CDH18: variants seen among roughly 807,000 people sequenced by gnomAD.
CDH18 encodes cadherin-18.
A neutral mutation model predicts 67.9 loss-of-function variants in CDH18; 31 were observed. The observed-to-expected ratio is 0.46, with a 90% confidence interval of 0.34 to 0.62. CDH18 has a LOEUF of 0.62. CDH18 is among the 20% of genes least tolerant of loss of function. The pLI, the probability that CDH18 is intolerant of heterozygous loss-of-function variation, is 0.01. For missense variants in CDH18, 890 were observed against 975.5 expected, an observed-to-expected ratio of 0.91 and a Z score of 1.17; for synonymous variants, 362 against 347.2, an observed-to-expected ratio of 1.04 and a Z score of -0.48.
intron 3 of CDH18, among the ~76,000 whole-genome samples, chr5:19,778,099 C>G (rs1774607573): frequency 6.6e-6 from 1 of 152,068 alleles, no homozygotes; most frequent in Non-Finnish European, 1.5e-5. Context: ...TTTAAACTTT[C>G]CCCCACAAAA....
chr5:19,566,853 A>G (rs1467709488), intron 8 of CDH18, among the ~76,000 whole-genome samples: 1 of 152,194 alleles, frequency 6.6e-6, no homozygotes, highest in Non-Finnish European at 1.5e-5. Flanking sequence ...CAATAGATGA[A>G]TGGATAAAGA....
chr5:20,475,437 T>C (rs910163809), intron 1 of CDH18, among the ~76,000 whole-genome samples: 3 of 152,164 alleles, frequency 2.0e-5, no homozygotes, highest in African/African-American at 4.8e-5. Flanking sequence ...AAGCCATTGA[T>C]AGGCATTAAG....
intron 2 of CDH18, among the ~76,000 whole-genome samples, chr5:19,911,247 T>C (rs1791110676): frequency 2.6e-5 from 4 of 152,158 alleles, no homozygotes; most frequent in Admixed American, 2.0e-4. Context: ...CATGCTGATC[T>C]GATTCTCATT....
intron 1 of CDH18, among the ~76,000 whole-genome samples, chr5:20,283,194 T>C (rs1414239393): frequency 6.6e-6 from 1 of 152,048 alleles, no homozygotes; most frequent in African/African-American, 2.4e-5. Context: ...GACATGGGAC[T>C]GGGTAGATTT....
At chr5:20,568,582 G>A (rs114369168) in intron 1 of CDH18, among the ~76,000 whole-genome samples, 2 of 151,676 alleles carry the variant, frequency 1.3e-5, no homozygotes, top group African/African-American at 2.4e-5. Flanking sequence ...ATTATTAAAT[G>A]AATGTCAAGA....
At chr5:19,743,627 A>G (rs1199423337) in intron 4 of CDH18, among the ~76,000 whole-genome samples, 6 of 152,140 alleles carry the variant, frequency 3.9e-5, no homozygotes, top group African/African-American at 1.4e-4. Context: ...TTTTGTTTCT[A>G]AAATCAGAGT....
intron 5 of CDH18, among the ~76,000 whole-genome samples, chr5:19,630,615 A>C (rs920999859): frequency 1.3e-5 from 2 of 152,148 alleles, no homozygotes; most frequent in Non-Finnish European, 2.9e-5. Context: ...CTCACTAGTC[A>C]TTCAATATTT....
intron 1 of CDH18, among the ~76,000 whole-genome samples, chr5:20,436,626 G>T (rs889641439): frequency 6.6e-6 from 1 of 150,968 alleles, no homozygotes; most frequent in African/African-American, 2.4e-5. Context: ...ATGTATATAT[G>T]TGTATATATA....
chr5:20,474,566 T>C (rs1171390198), intron 1 of CDH18, among the ~76,000 whole-genome samples: 1 of 146,492 alleles, frequency 6.8e-6, no homozygotes, highest in African/African-American at 2.5e-5. Context: ...AGAAAAATCA[T>C]AGGGTTGGAA....
chr5:20,331,429 A>G (rs960974357), intron 1 of CDH18: 1 of 152,106 alleles, frequency 6.6e-6, no homozygotes. Flanking sequence ...ACTTCTCACC[A>G]TGATTCTGAC....
intron 2 of CDH18, among the ~76,000 whole-genome samples, chr5:20,061,852 T>TA (rs1742514512): frequency 6.6e-6 from 1 of 152,156 alleles, no homozygotes; most frequent in Non-Finnish European, 1.5e-5. Flanking sequence ...TTTAGTTTAA[T>TA]ATGAACTCCA....
chr5:19,944,251 A>G (rs572755909), intron 2 of CDH18, among the ~76,000 whole-genome samples: 1 of 152,232 alleles, frequency 6.6e-6, no homozygotes, highest in Non-Finnish European at 1.5e-5. Context: ...ACTGTCTTAT[A>G]TAATTTAATA....
At chr5:20,154,426 T>C (rs1379098729) in intron 2 of CDH18, among the ~76,000 whole-genome samples, 1 of 152,174 alleles carries the variant, frequency 6.6e-6, no homozygotes, top group Non-Finnish European at 1.5e-5. Context: ...CTTTTTCTTC[T>C]TATTCATGAG....
chr5:20,198,681 G>T (rs902535829), intron 2 of CDH18, among the ~76,000 whole-genome samples: 1 of 152,106 alleles, frequency 6.6e-6, no homozygotes, highest in African/African-American at 2.4e-5. Flanking sequence ...AAGACTATGG[G>T]AAAAATGTCT....
At chr5:19,696,288 C>G (rs1401197222) in intron 5 of CDH18, among the ~76,000 whole-genome samples, 4 of 151,240 alleles carry the variant, frequency 2.6e-5, no homozygotes, top group Non-Finnish European at 1.5e-5. Flanking sequence ...GAGTCTTGCT[C>G]TGCTGCCCAG....
chr5:20,435,547 T>C (rs966380729), intron 1 of CDH18, among the ~76,000 whole-genome samples: 3 of 151,910 alleles, frequency 2.0e-5, no homozygotes, highest in Non-Finnish European at 4.4e-5. Context: ...ACATCTGATA[T>C]TGTTACAAAT....
chr5:20,398,931 G>A (rs1161328816), intron 1 of CDH18, among the ~76,000 whole-genome samples: 3 of 82,644 alleles, frequency 3.6e-5, no homozygotes, highest in East Asian at 6.7e-4. Context: ...CACGGCACAC[G>A]TATACCTACA....
At chr5:19,758,810 CCT>C (rs1348062789) in intron 3 of CDH18, among the ~76,000 whole-genome samples, 4 of 152,228 alleles carry the variant, frequency 2.6e-5, no homozygotes, top group Non-Finnish European at 5.9e-5. Context: ...TATTCCCCAT[CCT>C]CTGGCACGCA....
intron 11 of CDH18, among the ~76,000 whole-genome samples, chr5:19,484,105 G>A (rs1314886122): frequency 1.3e-5 from 2 of 152,224 alleles, no homozygotes; most frequent in South Asian, 2.1e-4. Flanking sequence ...GTTTGACCAT[G>A]GGGAAGTTAA....
Sources: allele counts gnomAD v4.1 joint callset (sites outside exome capture counted in the v4.1 genomes callset), GRCh38; gene constraint gnomAD v4.1.1; transcripts MANE v1.5; gene names NCBI Gene and HGNC (gene_info 2026-07-23, HGNC 2026-07-21).